AGBL1: variants seen among roughly 807,000 people sequenced by gnomAD.
AGBL1 encodes cytosolic carboxypeptidase 4.
Under a neutral mutation model 118.9 loss-of-function variants are expected in AGBL1, and 130 were observed. The ratio of observed to expected loss-of-function variants is 1.09; its 90% CI spans 0.95 to 1.26. The LOEUF (loss-of-function observed/expected upper bound fraction) is 1.26, where lower values mean the gene tolerates loss of function less well. AGBL1 is among the 50% of genes most tolerant of loss of function. AGBL1 has a pLI of 0.00. For synonymous variants in AGBL1, 555 were observed against 478.9 expected (o/e 1.16, Z -2.08); for missense variants, 1,584 against 1,298.1 (o/e 1.22, Z -3.38).
At chr15:87,001,461 G>A (rs1460034933) in intron 24 of AGBL1, among the ~76,000 whole-genome samples, 4 of 152,016 alleles carry the variant, frequency 2.6e-5, no homozygotes, top group African/African-American at 7.3e-5. Flanking sequence ...TGTCTTTATA[G>A]TAGCATGATT....
intron 21 of AGBL1, among the ~76,000 whole-genome samples, chr15:86,631,546 C>A (rs938788691): frequency 2.6e-5 from 4 of 152,152 alleles, no homozygotes; most frequent in South Asian, 2.1e-4. Context: ...CTTACTAATT[C>A]TTTGAGACCT....
chr15:86,084,411 G>C (rs1895495307), intron 1 of AGBL1, among the ~76,000 whole-genome samples: 1 of 152,180 alleles, frequency 6.6e-6, no homozygotes, highest in Non-Finnish European at 1.5e-5. Flanking sequence ...TCTGCCACCT[G>C]TGAGGAAGAT....
chr15:86,692,102 C>T (rs926029809), intron 22 of AGBL1, among the ~76,000 whole-genome samples: 2 of 151,736 alleles, frequency 1.3e-5, no homozygotes, highest in Admixed American at 6.6e-5. Context: ...GGTGTGAACC[C>T]GGGAGGCGGA....
intron 6 of AGBL1, among the ~76,000 whole-genome samples, chr15:86,237,844 G>T (rs963029806): frequency 1.3e-5 from 2 of 152,126 alleles, no homozygotes; most frequent in South Asian, 4.1e-4. Flanking sequence ...AAATGGTGGG[G>T]GGTCACACAT....
intron 17 of AGBL1, among the ~76,000 whole-genome samples, chr15:86,371,338 T>C (rs930033438): frequency 6.6e-6 from 1 of 151,994 alleles, no homozygotes; most frequent in Non-Finnish European, 1.5e-5. Flanking sequence ...AATGGTGGAG[T>C]TGGACATGAG....
At position 86,908,300 on chromosome 15, in the gene AGBL1, C is replaced by A. The variant is rs1408528433; in HGVS notation, c.*1006C>A. ...GAATTCTGACAGTTAAGAAAAAATTCTCACCAGCCTGGACAACATGATGAA... is the reference window on the plus strand; with the variant it reads ...GAATTCTGACAGTTAAGAAAAAATTATCACCAGCCTGGACAACATGATGAA... On this transcript the variant is annotated 3_prime_UTR_variant, in exon 23 of 23. Coordinates refer to ENST00000614907, the MANE Select transcript of AGBL1 (RefSeq NM_001386094.1). 1.3e-5 allele frequency: 2 copies of A among 152,092 alleles called. No individual in the cohort carries two copies. The highest frequency in any genetic ancestry group is 2.9e-5 in the Non-Finnish European group (2 of 68,026). 9.4% of individuals were successfully genotyped at this position (152,092 alleles called of 1,614,324 possible).
intron 18 of AGBL1, among the ~76,000 whole-genome samples, chr15:86,470,913 C>A (rs2082471325): frequency 6.6e-6 from 1 of 152,032 alleles, no homozygotes; most frequent in African/African-American, 2.4e-5. Context: ...TTAGTTCCAA[C>A]AGTGTTTTGG....
intron 23 of AGBL1, among the ~76,000 whole-genome samples, chr15:86,968,945 C>A (rs1346489676): frequency 2.0e-5 from 3 of 151,784 alleles, no homozygotes; most frequent in African/African-American, 7.3e-5. Context: ...TGAGGCAGAT[C>A]CCTTATAACC....
At chr15:86,675,777 T>G (rs1039657273) in intron 22 of AGBL1, among the ~76,000 whole-genome samples, 1 of 152,132 alleles carries the variant, frequency 6.6e-6, no homozygotes, top group African/African-American at 2.4e-5. Flanking sequence ...TTTCCTTCTT[T>G]CTCTTTTTCC....
intron 15 of AGBL1, among the ~76,000 whole-genome samples, chr15:86,272,235 G>A (rs145194680): frequency 5.9e-5 from 9 of 152,192 alleles, no homozygotes; most frequent in East Asian, 3.9e-4. Flanking sequence ...TTGATCAGTC[G>A]CCAGTTTCAT....
chr15:86,494,234 G>A (rs2082819133), intron 18 of AGBL1, among the ~76,000 whole-genome samples: 1 of 152,008 alleles, frequency 6.6e-6, no homozygotes, highest in African/African-American at 2.4e-5. Context: ...CATGGTTGAT[G>A]TGGGGTCATG....
At chr15:86,211,561 C>G (rs139243158) in intron 5 of AGBL1, among the ~76,000 whole-genome samples, 1 of 152,186 alleles carries the variant, frequency 6.6e-6, no homozygotes. Context: ...TGCCCCTCCT[C>G]CTGCAAGGCT....
Position 86,082,040 on chromosome 15 carries a change from T to A in AGBL1, c.51+2017T>A, listed in dbSNP as rs727748. ...TATGATAACAGGAGCACGCTTCCTG[T>A]TTACTCCTCAGTTGATCAGAGTTTG... On this transcript the variant is annotated intron_variant, in intron 1 of 22. Coordinates refer to ENST00000614907, the MANE Select transcript of AGBL1 (RefSeq NM_001386094.1). Among the ~76,000 whole-genome samples, 1,275 of 152,328 alleles carry A rather than the reference T, an allele frequency of 8.4e-3. 22 individuals are homozygous for A. The highest frequency in any genetic ancestry group is 0.029 in the African/African-American group (1,213 of 41,574).
chr15:86,837,020 C>T (rs933492235), intron 22 of AGBL1, among the ~76,000 whole-genome samples: 1 of 152,096 alleles, frequency 6.6e-6, no homozygotes, highest in Non-Finnish European at 1.5e-5. Context: ...ACAGTTACAC[C>T]TCTAGCACCT....
intron 22 of AGBL1, among the ~76,000 whole-genome samples, chr15:86,722,868 G>T (rs996467747): frequency 2.6e-5 from 4 of 152,128 alleles, no homozygotes; most frequent in Non-Finnish European, 4.4e-5. Flanking sequence ...CTTCTCAAAA[G>T]AAGACATTTA....
chr15:86,537,297 G>A (rs886770146), intron 19 of AGBL1, among the ~76,000 whole-genome samples: 16 of 152,312 alleles, frequency 1.1e-4, no homozygotes, highest in Non-Finnish European at 8.8e-5. Flanking sequence ...TGCTCTGATT[G>A]GGCTTGGTAC....
At chr15:86,917,462 A>T (rs1485763711), downstream of AGBL1, among the ~76,000 whole-genome samples, 6 of 152,170 alleles carry the variant, frequency 3.9e-5, no homozygotes, top group African/African-American at 1.4e-4. This position sits in a 1 kb window ranked among gnomAD's most constrained non-coding sequence, Gnocchi z 4.8. Flanking sequence ...AGGGAAAGGG[A>T]GCTCATTATT....
At chr15:86,302,304 T>C (rs1225095665) in intron 17 of AGBL1, among the ~76,000 whole-genome samples, 5 of 152,124 alleles carry the variant, frequency 3.3e-5, no homozygotes, top group African/African-American at 9.7e-5. Flanking sequence ...ATCTTATGAA[T>C]TAAGAAAGAC....
chr15:86,328,801 G>A (rs577566729), intron 17 of AGBL1, among the ~76,000 whole-genome samples: 41 of 152,338 alleles, frequency 2.7e-4, no homozygotes, highest in South Asian at 6.2e-4. Flanking sequence ...AATGAGGCTT[G>A]AAGACACTAT....
Sources: gnomAD v4.1 joint callset for allele counts (sites outside exome capture counted in the v4.1 genomes callset) on GRCh38, gnomAD v4.1.1 for gene constraint, Gnocchi (gnomAD v3.1) non-coding constraint, MANE v1.5 for transcripts, NCBI Gene and HGNC (gene_info 2026-07-23, HGNC 2026-07-21) for gene names.